The following ARID1B variants were observed in gnomAD, a reference collection of about 807,000 sequenced individuals.
ARID1B encodes AT-rich interactive domain-containing protein 1B.
Under a neutral mutation model 212.3 loss-of-function variants are expected in ARID1B, and 30 were observed. The ratio of observed to expected loss-of-function variants is 0.14; its 90% CI spans 0.11 to 0.19. The LOEUF is 0.19. Ranked by LOEUF, ARID1B falls within the 10% of genes least tolerant of loss-of-function variation. The probability of loss-of-function intolerance (pLI) is 1.00; values close to 1 mark genes in which losing one functional copy is unlikely to be tolerated. For synonymous variants in ARID1B, 1,402 were observed against 1,301.7 expected, an observed-to-expected ratio of 1.08 and a Z score of -1.66; for missense variants, 2,891 against 3,204.0, an observed-to-expected ratio of 0.90 and a Z score of 2.36.
In ARID1B at chr6:157,036,758, C is replaced by T. The variant is rs1277915659; in HGVS notation, c.2248-47904C>T. 6.2e-6 allele frequency: 3 copies of T among 480,750 alleles called. No individual in the cohort carries two copies. In the East Asian group the frequency reaches 1.5e-4, roughly 24 times the overall value. 29.8% of individuals were successfully genotyped at this position (480,750 alleles called of 1,614,324 possible). The stretch of plus-strand genomic sequence containing the variant: ...TCAGAACTCTCAATTCTAGGCCATG[C>T]CTGTGTCTGGTTTCTGTGGCTAGAC... On this transcript the variant is annotated intron_variant, in intron 4 of 19. Coordinates refer to ENST00000636930, the MANE Select transcript of ARID1B (RefSeq NM_001374828.1).
At chr6:156,828,392 G>T (rs755632685) in intron 1 of ARID1B, among the ~76,000 whole-genome samples, 2 of 152,300 alleles carry the variant, frequency 1.3e-5, no homozygotes, top group African/African-American at 2.4e-5. Context: ...TGGAAGGACA[G>T]AGGAGGGAAG....
chr6:156,945,067 C>T (rs1008231517), intron 4 of ARID1B, among the ~76,000 whole-genome samples: 3 of 149,818 alleles, frequency 2.0e-5, no homozygotes, highest in Admixed American at 6.6e-5. Flanking sequence ...GGACTACAGG[C>T]ACTTGCCACC....
chr6:156,933,306 C>A (rs4615403), intron 3 of ARID1B, among the ~76,000 whole-genome samples: 1 of 151,828 alleles, frequency 6.6e-6, no homozygotes, highest in Non-Finnish European at 1.5e-5. Context: ...GAGGCGGGGC[C>A]TGCTCATTTG....
intron 1 of ARID1B, among the ~76,000 whole-genome samples, chr6:156,804,669 G>C (rs1781022320): frequency 2.0e-5 from 3 of 151,972 alleles, no homozygotes; most frequent in Admixed American, 2.0e-4. Flanking sequence ...CCTGGAGGAA[G>C]CCATCCCCAT....
At chr6:157,078,503 A>T (rs895580155) in intron 4 of ARID1B, among the ~76,000 whole-genome samples, 1 of 152,162 alleles carries the variant, frequency 6.6e-6, no homozygotes, top group Non-Finnish European at 1.5e-5. Context: ...ATAGTTGAAG[A>T]GTGGAGAATC....
chr6:157,041,846 C>T (rs1251942936), intron 4 of ARID1B, among the ~76,000 whole-genome samples: 10 of 152,164 alleles, frequency 6.6e-5, no homozygotes, highest in Admixed American at 5.2e-4. Context: ...GCCACCATCA[C>T]CACTGCCCCA....
chr6:156,798,490 G>A (rs1562393005), intron 1 of ARID1B, among the ~76,000 whole-genome samples: 1 of 152,282 alleles, frequency 6.6e-6, no homozygotes, highest in African/African-American at 2.4e-5. Context: ...TTACATGATG[G>A]TACCAGGAGT....
Position 157,189,689 on chromosome 6 carries a change from A to G in ARID1B, c.3967A>G (p.Ser1323Gly). The G allele has an allele frequency of 1.9e-6, 3 of 1,613,972 alleles. No individual in the cohort carries two copies. Among genetic ancestry groups the G allele is most frequent in the Non-Finnish European group, 2.5e-6 (3 of 1,180,018 alleles). The change falls in exon 14 of 20, where the codon AGC becomes GGC. Residue 1323 changes from serine (S) to glycine (G), a missense_variant. Ser to Gly is a moderately conservative substitution (Grantham distance 56, BLOSUM62 0). This residue lies in a region of ARID1B where 666 missense variants were observed against 873.5 expected (regional missense o/e 0.76). Coordinates refer to ENST00000636930, the MANE Select transcript of ARID1B (RefSeq NM_001374828.1). ...CCCACAGACCCCCCAGTCAACTGGC[A>G]GCAATTCCATGGCAGAGGTTCCAGG... ...QGPQTPQSTG[S>G]NSMAEVPGDL...
At chr6:156,842,449 C>T (rs1301247675) in intron 2 of ARID1B, among the ~76,000 whole-genome samples, 1 of 152,174 alleles carries the variant, frequency 6.6e-6, no homozygotes, top group African/African-American at 2.4e-5. Context: ...GCACTTCATT[C>T]CTTTCTATGG....
chr6:156,940,940 T>G (rs966355455), intron 4 of ARID1B: 2 of 152,208 alleles, frequency 1.3e-5, no homozygotes, highest in Non-Finnish European at 2.9e-5. Context: ...AAGAATTAGG[T>G]GTATGGCTAT....
At chr6:156,980,738 G>C (rs1168020856) in intron 4 of ARID1B, among the ~76,000 whole-genome samples, 1 of 152,144 alleles carries the variant, frequency 6.6e-6, no homozygotes, top group East Asian at 1.9e-4. Flanking sequence ...GGAGGGACCC[G>C]TGCAGCAGCC....
At chr6:157,083,979 C>CA (rs1298527817) in intron 4 of ARID1B, among the ~76,000 whole-genome samples, 2 of 146,812 alleles carry the variant, frequency 1.4e-5, no homozygotes, top group African/African-American at 4.9e-5. Context: ...ATTAAAAATA[C>CA]AAAAATTAGC....
intron 3 of ARID1B, among the ~76,000 whole-genome samples, chr6:156,904,400 T>A (rs1789196498): frequency 6.6e-6 from 1 of 152,238 alleles, no homozygotes; most frequent in Non-Finnish European, 1.5e-5. Context: ...TGATGGACAT[T>A]TAGATTAGTT....
chr6:157,110,529 C>T lies in ARID1B; in HGVS notation c.2549C>T (p.Ala850Val). 6.2e-7 allele frequency: 1 copy of T among 1,614,194 alleles called. No individual in the cohort carries two copies. Among genetic ancestry groups the T allele is most frequent in the Admixed American group, 1.7e-5 (1 of 60,024 alleles). The change falls in exon 6 of 20, where the codon GCC becomes GTC. Residue 850 changes from alanine (A) to valine (V), a missense_variant. By Grantham distance (64) the Ala-to-Val change is moderately conservative. Coordinates refer to ENST00000636930, the MANE Select transcript of ARID1B (RefSeq NM_001374828.1). ...GSQSESSSHP[A>V]LSQSPMPQER... Reference sequence around the variant, plus strand: ...CAGTCAGAATCCAGTTCCCATCCCGCCTTGAGCCAGTCACCAATGCCACAG... The same window carrying T: ...CAGTCAGAATCCAGTTCCCATCCCGTCTTGAGCCAGTCACCAATGCCACAG...
chr6:157,018,234 T>TTTTG (rs1175400304), intron 4 of ARID1B, among the ~76,000 whole-genome samples: 1 of 145,968 alleles, frequency 6.9e-6, no homozygotes, highest in Non-Finnish European at 1.5e-5. Flanking sequence ...TTTTTTTTTT[T>TTTTG]GAGATACAGT....
At chr6:157,168,512 A>G (rs1456588557) in intron 9 of ARID1B, 1 of 152,162 alleles carries the variant, frequency 6.6e-6, no homozygotes, top group African/African-American at 2.4e-5. Flanking sequence ...GTGACATACT[A>G]TGTTTTGTCT....
intron 3 of ARID1B, among the ~76,000 whole-genome samples, chr6:156,928,233 G>A (rs1791398215): frequency 6.6e-6 from 1 of 152,180 alleles, no homozygotes; most frequent in African/African-American, 2.4e-5. Context: ...AGGCCTTCGG[G>A]AGGCATTTTC....
At chr6:156,989,947 A>G (rs1284401338) in intron 4 of ARID1B, among the ~76,000 whole-genome samples, 1 of 152,220 alleles carries the variant, frequency 6.6e-6, no homozygotes, top group East Asian at 1.9e-4. Context: ...TACCTTTGAT[A>G]TAATTCTTGC....
chr6:157,048,046 G>A (rs956482117), intron 4 of ARID1B, among the ~76,000 whole-genome samples: 2 of 152,142 alleles, frequency 1.3e-5, no homozygotes, highest in Admixed American at 1.3e-4. Flanking sequence ...TCTCTGCACT[G>A]CCAAGTTTTA....
Sources: gnomAD v4.1 joint callset for allele counts (sites outside exome capture counted in the v4.1 genomes callset) on GRCh38, gnomAD v4.1.1 for gene constraint, gnomAD v4.1.1 regional missense constraint, MANE v1.5 for transcripts, NCBI Gene and HGNC (gene_info 2026-07-23, HGNC 2026-07-21) for gene names.